The following NALF1 variants were observed in gnomAD, a reference collection of about 807,000 sequenced individuals.
NALF1 encodes the protein family with sequence similarity 155 member A.
NALF1 carries 3 observed loss-of-function variants against 48.4 expected under a neutral mutation model. That is an observed-to-expected ratio of 0.06 (90% CI 0.03 to 0.16). The LOEUF (loss-of-function observed/expected upper bound fraction) is 0.16. NALF1 is among the 10% of genes least tolerant of loss of function. The pLI is 1.00. For missense variants in NALF1, 526 were observed against 571.5 expected (o/e 0.92, Z 0.81); for synonymous variants, 262 against 245.7 (o/e 1.07, Z -0.62).
intron 1 of NALF1, among the ~76,000 whole-genome samples, chr13:107,538,592 G>C (rs973600917): frequency 6.6e-6 from 1 of 152,024 alleles, no homozygotes; most frequent in African/African-American, 2.4e-5. Flanking sequence ...ATTCAAATCA[G>C]ACCTCAGTTC....
At chr13:107,839,934 A>G (rs146286405) in intron 1 of NALF1, among the ~76,000 whole-genome samples, 1 of 152,294 alleles carries the variant, frequency 6.6e-6, no homozygotes, top group East Asian at 1.9e-4. Context: ...AGTCACAAAC[A>G]CAAATATTCT....
At chr13:107,496,941 A>C (rs1233001533) in intron 1 of NALF1, among the ~76,000 whole-genome samples, 1 of 152,206 alleles carries the variant, frequency 6.6e-6, no homozygotes, top group African/African-American at 2.4e-5. Flanking sequence ...ACAACATGTA[A>C]GAATTCAAGA....
chr13:107,758,482 G>A (rs1285417406), intron 1 of NALF1, among the ~76,000 whole-genome samples: 1 of 152,174 alleles, frequency 6.6e-6, no homozygotes, highest in Non-Finnish European at 1.5e-5. Context: ...AACACTTTGG[G>A]AGGCTGAGGC....
At chr13:107,787,142 T>A (rs912846605) in intron 1 of NALF1, among the ~76,000 whole-genome samples, 2 of 152,234 alleles carry the variant, frequency 1.3e-5, no homozygotes, top group African/African-American at 4.8e-5. Flanking sequence ...TTTAAGATAA[T>A]ATTAAACTAT....
At chr13:107,397,768 A>G (rs1194221900) in intron 1 of NALF1, among the ~76,000 whole-genome samples, 1 of 152,124 alleles carries the variant, frequency 6.6e-6, no homozygotes, top group Non-Finnish European at 1.5e-5. Flanking sequence ...TGCTAGCCTC[A>G]TTAACTAGTG....
At chr13:107,859,782 C>T (rs1288498263) in intron 1 of NALF1, among the ~76,000 whole-genome samples, 2 of 151,698 alleles carry the variant, frequency 1.3e-5, no homozygotes, top group Admixed American at 6.6e-5. Flanking sequence ...AGGCTATAAT[C>T]GCAGCTACTG....
At chr13:107,389,396 T>A (rs1255688051) in intron 1 of NALF1, among the ~76,000 whole-genome samples, 2 of 152,110 alleles carry the variant, frequency 1.3e-5, no homozygotes, top group African/African-American at 4.8e-5. Context: ...GTTGGTGTCC[T>A]TATGAAAAAG....
intron 1 of NALF1, among the ~76,000 whole-genome samples, chr13:107,840,600 C>T (rs557840801): frequency 1.3e-5 from 2 of 152,310 alleles, no homozygotes; most frequent in Non-Finnish European, 2.9e-5. Flanking sequence ...ATTCAGTGTA[C>T]TTGGTCTCAC....
At chr13:107,771,047 T>C (rs888265083) in intron 1 of NALF1, among the ~76,000 whole-genome samples, 1 of 152,174 alleles carries the variant, frequency 6.6e-6, no homozygotes, top group Admixed American at 6.5e-5. Flanking sequence ...CATAAAACAA[T>C]TTCATTTGAA....
chr13:107,176,386 TAATCCC>T (rs1878931973), intron 2 of NALF1, among the ~76,000 whole-genome samples: 1 of 149,796 alleles, frequency 6.7e-6, no homozygotes, highest in African/African-American at 2.5e-5. Flanking sequence ...CTCATGCCTG[TAATCCC>T]AGCACTTTGG....
chr13:107,664,848 T>G (rs911349763), intron 1 of NALF1, among the ~76,000 whole-genome samples: 1 of 152,278 alleles, frequency 6.6e-6, no homozygotes. Context: ...CCAGGGTACC[T>G]TGAATTTGGT....
intron 1 of NALF1, among the ~76,000 whole-genome samples, chr13:107,350,055 A>G (rs1882844788): frequency 6.6e-6 from 1 of 152,116 alleles, no homozygotes; most frequent in Non-Finnish European, 1.5e-5. Context: ...TGCTCTTATG[A>G]AAATCCAATG....
At chr13:107,444,721 C>A (rs1188017992) in intron 1 of NALF1, among the ~76,000 whole-genome samples, 1 of 152,088 alleles carries the variant, frequency 6.6e-6, no homozygotes, top group Admixed American at 6.6e-5. Context: ...AAGGAGAACA[C>A]CATATTTATA....
intron 1 of NALF1, among the ~76,000 whole-genome samples, chr13:107,686,090 G>C (rs994846584): frequency 6.6e-6 from 1 of 152,222 alleles, no homozygotes; most frequent in African/African-American, 2.4e-5. Context: ...CGGGGGCCGG[G>C]GGCCAGCCTC....
At chr13:107,235,548 TAA>T (rs1303475745) in intron 1 of NALF1, among the ~76,000 whole-genome samples, 1 of 152,228 alleles carries the variant, frequency 6.6e-6, no homozygotes, top group Non-Finnish European at 1.5e-5. Flanking sequence ...GAATTACTCA[TAA>T]TACTAAAAAC....
chr13:107,286,650 C>T (rs7326379), intron 1 of NALF1, among the ~76,000 whole-genome samples: 1 of 150,842 alleles, frequency 6.6e-6, no homozygotes, highest in African/African-American at 2.4e-5. Context: ...CCCAAGTGCC[C>T]ATGAATGGAT....
At chr13:107,564,687 C>T (rs1240378706) in intron 1 of NALF1, among the ~76,000 whole-genome samples, 1 of 152,172 alleles carries the variant, frequency 6.6e-6, no homozygotes, top group African/African-American at 2.4e-5. Context: ...ACCTTCCTCC[C>T]TCTGTCCAAG....
At chr13:107,568,765 T>G (rs995213605) in intron 1 of NALF1, among the ~76,000 whole-genome samples, 7 of 152,230 alleles carry the variant, frequency 4.6e-5, no homozygotes, top group African/African-American at 1.7e-4. Flanking sequence ...TGTCTGTGCA[T>G]GTTTTTTGAG....
chr13:107,542,367 G>A (rs1247761720), intron 1 of NALF1, among the ~76,000 whole-genome samples: 2 of 152,062 alleles, frequency 1.3e-5, no homozygotes, highest in African/African-American at 4.8e-5. Flanking sequence ...AGTAGCTAAA[G>A]GAAACTGAGT....
Sources: gnomAD v4.1 joint callset for allele counts (sites outside exome capture counted in the v4.1 genomes callset) on GRCh38, gnomAD v4.1.1 for gene constraint, MANE v1.5 for transcripts, NCBI Gene and HGNC (gene_info 2026-07-23, HGNC 2026-07-21) for gene names.